CACNA2D3: variants seen among roughly 807,000 people sequenced by gnomAD.
CACNA2D3 encodes calcium voltage-gated channel auxiliary subunit alpha2delta 3.
A neutral mutation model predicts 160.6 loss-of-function variants in CACNA2D3; 60 were observed. That is an observed-to-expected ratio of 0.37 (90% CI 0.30 to 0.46). The LOEUF (loss-of-function observed/expected upper bound fraction) is 0.46. Among genes scored for constraint, CACNA2D3 ranks in the 20% least tolerant of loss-of-function variants. The pLI is 1.00. For synonymous variants in CACNA2D3, 558 were observed against 492.9 expected, an observed-to-expected ratio of 1.13 and a Z score of -1.75; for missense variants, 1,205 against 1,365.0, an observed-to-expected ratio of 0.88 and a Z score of 1.85.
intron 27 of CACNA2D3, among the ~76,000 whole-genome samples, chr3:54,944,503 C>T (rs1024234203): frequency 3.9e-5 from 6 of 152,072 alleles, no homozygotes; most frequent in Non-Finnish European, 7.4e-5. Flanking sequence ...TCACTGCAAG[C>T]TCTGCCTCCC....
chr3:54,620,822 C>G (rs745359430), intron 9 of CACNA2D3, among the ~76,000 whole-genome samples: 1 of 152,180 alleles, frequency 6.6e-6, no homozygotes, highest in South Asian at 2.1e-4. Context: ...CTAGTGTCCT[C>G]GGCCTACATG....
intron 2 of CACNA2D3, among the ~76,000 whole-genome samples, chr3:54,281,322 T>A (rs1015328732): frequency 2.0e-5 from 3 of 152,190 alleles, no homozygotes; most frequent in African/African-American, 7.2e-5. Context: ...TCTTGCACAT[T>A]TTGTGACTCA....
chr3:55,003,825 A>G (rs1703033068), intron 31 of CACNA2D3, among the ~76,000 whole-genome samples: 2 of 152,162 alleles, frequency 1.3e-5, no homozygotes, highest in South Asian at 4.1e-4. Flanking sequence ...AGGAAAGGCA[A>G]TTGTATTCCT....
chr3:54,714,564 C>T (rs979249679), intron 11 of CACNA2D3, among the ~76,000 whole-genome samples: 8 of 152,164 alleles, frequency 5.3e-5, no homozygotes, highest in African/African-American at 1.9e-4. Context: ...TTGGTAAGGT[C>T]AGTGGGTTTC....
intron 4 of CACNA2D3, among the ~76,000 whole-genome samples, chr3:54,468,048 G>A (rs1700660376): frequency 6.6e-6 from 1 of 152,138 alleles, no homozygotes; most frequent in Admixed American, 6.5e-5. Flanking sequence ...AAAAAATGGA[G>A]ATGATAATAA....
At chr3:54,626,345 T>A in intron 9 of CACNA2D3, 2 of 1,556,608 alleles carry the variant, frequency 1.3e-6, no homozygotes, top group Non-Finnish European at 1.7e-6. Context: ...CAGCGGCGGC[T>A]GAACCGGGGC....
chr3:54,769,290 C>G (rs1702276263), intron 13 of CACNA2D3, among the ~76,000 whole-genome samples: 1 of 152,076 alleles, frequency 6.6e-6, no homozygotes. Flanking sequence ...CAGCATTACC[C>G]TAAGGTGACC....
At chr3:54,231,561 G>A (rs1436188236) in intron 2 of CACNA2D3, among the ~76,000 whole-genome samples, 9 of 152,138 alleles carry the variant, frequency 5.9e-5, no homozygotes, top group Non-Finnish European at 1.0e-4. Context: ...GCTCACACAC[G>A]TACATAACTG....
chr3:54,276,758 A>C (rs893312142), intron 2 of CACNA2D3, among the ~76,000 whole-genome samples: 1 of 152,008 alleles, frequency 6.6e-6, no homozygotes, highest in Non-Finnish European at 1.5e-5. Context: ...TTTTCTGTGC[A>C]TTTCTTCCAG....
At chr3:54,710,794 T>G (rs149557584) in intron 11 of CACNA2D3, among the ~76,000 whole-genome samples, 6 of 152,324 alleles carry the variant, frequency 3.9e-5, no homozygotes, top group African/African-American at 1.4e-4. Flanking sequence ...ATACATTACA[T>G]TTTAAGTATG....
At chr3:54,527,375 A>G (rs1396747167) in intron 5 of CACNA2D3, among the ~76,000 whole-genome samples, 2 of 152,152 alleles carry the variant, frequency 1.3e-5, no homozygotes, top group Non-Finnish European at 2.9e-5. Flanking sequence ...TCCCCTGGGC[A>G]CAATCGCTGA....
At chr3:54,552,577 G>C (rs1559511003) in intron 5 of CACNA2D3, among the ~76,000 whole-genome samples, 1 of 152,126 alleles carries the variant, frequency 6.6e-6, no homozygotes, top group South Asian at 2.1e-4. Flanking sequence ...CAAAGCTTTG[G>C]GGATAGATTT....
chr3:54,804,031 G>A (rs1703056940), intron 13 of CACNA2D3, among the ~76,000 whole-genome samples: 2 of 152,076 alleles, frequency 1.3e-5, no homozygotes, highest in South Asian at 4.2e-4. Context: ...CACCAGGCCT[G>A]CCCTAAAAGA....
chr3:54,467,312 C>G (rs2106863336), intron 4 of CACNA2D3, among the ~76,000 whole-genome samples: 1 of 152,272 alleles, frequency 6.6e-6, no homozygotes, highest in South Asian at 2.1e-4. Flanking sequence ...AAAGTGTGAC[C>G]AGGGAACTGG....
intron 3 of CACNA2D3, chr3:54,386,120 T>C: frequency 8.1e-6 from 3 of 368,382 alleles, no homozygotes; most frequent in Non-Finnish European, 1.6e-5. Flanking sequence ...ATTGTGTTGT[T>C]GTGGGTCCTG....
At chr3:55,015,201 A>C (rs1427499337) in intron 34 of CACNA2D3, among the ~76,000 whole-genome samples, 1 of 151,918 alleles carries the variant, frequency 6.6e-6, no homozygotes, top group Non-Finnish European at 1.5e-5. Flanking sequence ...GACCTTTCTT[A>C]TTTTTTTTCA....
At chr3:54,487,760 G>T (rs1701038840) in intron 4 of CACNA2D3, among the ~76,000 whole-genome samples, 1 of 152,208 alleles carries the variant, frequency 6.6e-6, no homozygotes, top group Non-Finnish European at 1.5e-5. Flanking sequence ...CACAAGCCAT[G>T]GGTGGCTATT....
At chr3:54,424,658 G>A (rs1159546862) in intron 4 of CACNA2D3, among the ~76,000 whole-genome samples, 1 of 152,128 alleles carries the variant, frequency 6.6e-6, no homozygotes, top group Non-Finnish European at 1.5e-5. Context: ...TCTGGGGATG[G>A]AGCAAGTGGC....
rs777377068 is a variant in CACNA2D3 at position 54,752,695 on chromosome 3, G to C, written c.1246+18G>C. The stretch of plus-strand genomic sequence containing the variant: ...CAACAAAGGTGGGTCTTCGCATTGT[G>C]CTCGGCTCTGAATAACTTCCACCTA... On this transcript the variant is annotated intron_variant, in intron 12 of 37. Transcript: ENST00000474759. 6.3e-7 allele frequency: 1 copy of C among 1,585,780 alleles called. No individual in the cohort carries two copies. Among genetic ancestry groups the C allele is most frequent in the Admixed American group, 1.7e-5 (1 of 59,222 alleles).
Sources: allele counts gnomAD v4.1 joint callset (sites outside exome capture counted in the v4.1 genomes callset), GRCh38; gene constraint gnomAD v4.1.1; transcripts MANE v1.5; gene names NCBI Gene and HGNC (gene_info 2026-07-23, HGNC 2026-07-21).